Variants in RBMS3 observed in about 807,000 individuals in gnomAD.
RBMS3 encodes RNA-binding motif, single-stranded-interacting protein 3.
Under a neutral mutation model 66.8 loss-of-function variants are expected in RBMS3, and 27 were observed. That is an observed-to-expected ratio of 0.40 (90% CI 0.30 to 0.56). RBMS3 has a LOEUF of 0.56. RBMS3 is among the 20% of genes least tolerant of loss of function. The pLI is 0.40. For synonymous variants in RBMS3, 188 were observed against 183.0 expected (o/e 1.03, Z -0.22); for missense variants, 513 against 549.5 (o/e 0.93, Z 0.66).
intron 4 of RBMS3, among the ~76,000 whole-genome samples, chr3:29,696,528 G>A (rs909304505): frequency 6.6e-6 from 1 of 151,748 alleles, no homozygotes; most frequent in Non-Finnish European, 1.5e-5. Context: ...GAACTGGAAA[G>A]GATAGATCTT....
intron 4 of RBMS3, among the ~76,000 whole-genome samples, chr3:29,670,312 C>T (rs2050941777): frequency 6.6e-6 from 1 of 152,084 alleles, no homozygotes; most frequent in Non-Finnish European, 1.5e-5. Flanking sequence ...ATAGGAAGAG[C>T]TCCAGTCTAT....
chr3:29,973,473 T>A (rs757229229), intron 12 of RBMS3, among the ~76,000 whole-genome samples: 1 of 151,998 alleles, frequency 6.6e-6, no homozygotes, highest in Non-Finnish European at 1.5e-5. Context: ...TATTAGTAAC[T>A]CAACCAGTTT....
At chr3:29,839,724 A>G (rs1290371490) in intron 6 of RBMS3, among the ~76,000 whole-genome samples, 2 of 151,878 alleles carry the variant, frequency 1.3e-5, no homozygotes, top group East Asian at 3.8e-4. Context: ...ACACACCAAA[A>G]TGATAATAGT....
chr3:29,446,805 A>G (rs1282796473), intron 2 of RBMS3, among the ~76,000 whole-genome samples: 1 of 150,780 alleles, frequency 6.6e-6, no homozygotes, highest in African/African-American at 2.4e-5. Flanking sequence ...GAATCTATAG[A>G]TTGAATTTGA....
intron 1 of RBMS3, among the ~76,000 whole-genome samples, chr3:29,395,077 T>TG (rs1038307962): frequency 9.9e-5 from 15 of 152,122 alleles, no homozygotes; most frequent in African/African-American, 2.2e-4. Flanking sequence ...TATGCTGGGT[T>TG]GGGGGGGTTA....
chr3:29,503,884 C>T (rs180758325), intron 3 of RBMS3, among the ~76,000 whole-genome samples: 7 of 152,014 alleles, frequency 4.6e-5, no homozygotes, highest in African/African-American at 1.7e-4. Flanking sequence ...TTGACATTGC[C>T]AGAATTTTTG....
At chr3:29,905,380 C>A (rs2060351968) in intron 10 of RBMS3, among the ~76,000 whole-genome samples, 2 of 151,834 alleles carry the variant, frequency 1.3e-5, no homozygotes, top group Non-Finnish European at 2.9e-5. Context: ...AATGTTGTTA[C>A]CTTTGAAGTT....
intron 4 of RBMS3, among the ~76,000 whole-genome samples, chr3:29,673,673 G>C (rs1222879414): frequency 1.3e-5 from 2 of 151,966 alleles, no homozygotes; most frequent in Admixed American, 6.6e-5. Flanking sequence ...ATAAATTCCT[G>C]GACAAATATA....
intron 3 of RBMS3, chr3:29,526,174 T>G (rs959685289): frequency 6.6e-6 from 1 of 152,138 alleles, no homozygotes; most frequent in African/African-American, 2.4e-5. Context: ...TAAGTGCTGA[T>G]GTAGATCTGA....
At chr3:29,797,178 T>G (rs2057230509) in intron 6 of RBMS3, among the ~76,000 whole-genome samples, 1 of 152,236 alleles carries the variant, frequency 6.6e-6, no homozygotes, top group Non-Finnish European at 1.5e-5. Context: ...ATCTATTGTT[T>G]AGTGTAGCCA....
At chr3:29,634,290 AT>A (rs1177804239) in intron 4 of RBMS3, among the ~76,000 whole-genome samples, 4 of 151,906 alleles carry the variant, frequency 2.6e-5, no homozygotes, top group Non-Finnish European at 4.4e-5. Flanking sequence ...GTCTGTGTTA[AT>A]ATGGACACAT....
Position 29,532,239 on chromosome 3 carries a change from T to TAC in RBMS3, c.307+43741_307+43742insCA, listed in dbSNP as rs1195225168. Among the ~76,000 whole-genome samples, 68 of 76,036 alleles carry TAC rather than the reference T, an allele frequency of 8.9e-4. 3 individuals are homozygous for TAC. Among genetic ancestry groups the TAC allele is most frequent in the African/African-American group, 5.1e-3 (66 of 12,992 alleles). 49.9% of individuals were successfully genotyped at this position (76,036 alleles called of 152,430 possible). ...CTTTCAGTCTTATTTTAATTTCGCA[T>TAC]ATATATGTATATATATATATATGTA... On this transcript the variant is annotated intron_variant, in intron 3 of 14. Coordinates refer to ENST00000383767, the MANE Select transcript of RBMS3 (RefSeq NM_001003793.3).
At position 29,520,933 on chromosome 3, in the gene RBMS3, T is replaced by G. The variant is rs377675843; in HGVS notation, c.307+32434T>G. Among the ~76,000 whole-genome samples the G allele has an allele frequency of 2.0e-4, 30 of 152,254 alleles. No homozygotes were observed. The East Asian group carries it at 4.6e-3, about 24-fold the overall frequency. On this transcript the variant is annotated intron_variant, in intron 3 of 14. Coordinates refer to ENST00000383767, the MANE Select transcript of RBMS3 (RefSeq NM_001003793.3). ...ACTAATATTAACTGTTCTCTCTGCC[T>G]GTAGAGTGCTTTCCACGGAGAGTCT... is the stretch of plus-strand genomic sequence containing the variant.
chr3:29,541,058 C>T (rs748306442), intron 3 of RBMS3, among the ~76,000 whole-genome samples: 1 of 152,294 alleles, frequency 6.6e-6, no homozygotes, highest in South Asian at 2.1e-4. Context: ...GTGTGCCTCA[C>T]ACGGATGTGA....
At chr3:29,428,020 G>C (rs927838859) in intron 1 of RBMS3, among the ~76,000 whole-genome samples, 1 of 152,182 alleles carries the variant, frequency 6.6e-6, no homozygotes, top group African/African-American at 2.4e-5. Context: ...TGACATCTTG[G>C]TTACAGATGG....
chr3:29,600,256 C>T (rs547727503), intron 4 of RBMS3, among the ~76,000 whole-genome samples: 1 of 152,062 alleles, frequency 6.6e-6, no homozygotes, highest in South Asian at 2.1e-4. Context: ...ATTCGATCCC[C>T]GTGTTGGAGC....
intron 5 of RBMS3, among the ~76,000 whole-genome samples, chr3:29,744,176 A>G (rs917577659): frequency 6.6e-6 from 1 of 152,024 alleles, no homozygotes; most frequent in Admixed American, 6.6e-5. Context: ...AAAATTACTA[A>G]TAAGGAACTA....
chr3:29,390,505 A>G (rs545304712), intron 1 of RBMS3, among the ~76,000 whole-genome samples: 3 of 152,300 alleles, frequency 2.0e-5, no homozygotes, highest in East Asian at 1.9e-4. Flanking sequence ...TATACTGCCA[A>G]TTAGACTCTG....
intron 14 of RBMS3, 191 bp downstream of exon 14, chr3:29,991,400 C>G (rs1698866181): frequency 1.2e-6 from 1 of 843,910 alleles, no homozygotes; most frequent in African/African-American, 1.7e-5. Flanking sequence ...CTGATCTTGA[C>G]AGGAATCAAA....
Sources: gnomAD v4.1 joint callset for allele counts (sites outside exome capture counted in the v4.1 genomes callset) on GRCh38, gnomAD v4.1.1 for gene constraint, MANE v1.5 for transcripts, NCBI Gene and HGNC (gene_info 2026-07-23, HGNC 2026-07-21) for gene names.